Variants in TERF1 observed in about 807,000 individuals in gnomAD.
TERF1 encodes telomeric repeat binding factor 1.
Under a neutral mutation model 55.1 loss-of-function variants are expected in TERF1, and 20 were observed. The ratio of observed to expected loss-of-function variants is 0.36; its 90% CI spans 0.26 to 0.53. TERF1 has a LOEUF of 0.53. Among genes scored for constraint, TERF1 ranks in the 20% least tolerant of loss-of-function variants. TERF1 has a pLI of 0.91. For synonymous variants in TERF1, 168 were observed against 181.2 expected (o/e 0.93, Z 0.59); for missense variants, 439 against 535.7 (o/e 0.82, Z 1.78).
At chr8:73,028,487 C>A (rs999781675) in intron 6 of TERF1, among the ~76,000 whole-genome samples, 1 of 151,986 alleles carries the variant, frequency 6.6e-6, no homozygotes, top group African/African-American at 2.4e-5. Context: ...TAGATCACTC[C>A]CAGCTTAAAA....
In TERF1 at chr8:73,013,948, A is replaced by G. The variant is rs762001700; in HGVS notation, c.373A>G (p.Ile125Val). The G allele has an allele frequency of 1.2e-5, 19 of 1,611,398 alleles. No individual in the cohort carries two copies. The Admixed American group carries it at 2.5e-4, about 21-fold the overall frequency. ...LTACQLRTIYICQFLTRIAAG... is the reference protein window; with the variant it reads ...LTACQLRTIYVCQFLTRIAAG... ...AGCTTGCCAGTTGAGAACGATATAC[A>G]TATGTCAGTTTTTGACAAGAATTGC... The change falls in exon 2 of 10, where the codon ATA becomes GTA. Residue 125 changes from isoleucine (I) to valine (V), a missense_variant. Transcript: ENST00000276603.
chr8:73,039,445 G>C (rs937448773), intron 9 of TERF1, among the ~76,000 whole-genome samples: 8 of 152,124 alleles, frequency 5.3e-5, no homozygotes, highest in African/African-American at 1.9e-4. Flanking sequence ...ACTGACATCT[G>C]TTTGGAATTA....
chr8:73,038,660 TAAAC>T, intron 8 of TERF1: 2 of 552,530 alleles, frequency 3.6e-6, no homozygotes, highest in Non-Finnish European at 4.6e-6. Flanking sequence ...GTTTTCTGCC[TAAAC>T]AATTATCATT....
chr8:73,012,875 C>A, intron 1 of TERF1: 2 of 455,162 alleles, frequency 4.4e-6, no homozygotes, highest in South Asian at 3.1e-5. Flanking sequence ...TTCATGGGGG[C>A]AGAGACTGGC....
At chr8:73,011,796 T>G (rs1808290785) in intron 1 of TERF1, 1 of 142,312 alleles carries the variant, frequency 7.0e-6, no homozygotes, top group African/African-American at 2.6e-5. Flanking sequence ...AGGCTGTGGC[T>G]TAAAGGAATG....
chr8:73,023,579 C>G (rs544357359), intron 4 of TERF1, among the ~76,000 whole-genome samples: 1 of 152,250 alleles, frequency 6.6e-6, no homozygotes, highest in South Asian at 2.1e-4. Flanking sequence ...GTTTTCTACC[C>G]TTAATATTTT....
intron 5 of TERF1, among the ~76,000 whole-genome samples, 193 bp from the exon 6 acceptor site, chr8:73,026,747 C>T (rs553473167): frequency 6.6e-6 from 1 of 151,838 alleles, no homozygotes; most frequent in Non-Finnish European, 1.5e-5. Context: ...ATAAACCAAG[C>T]AGATAGCTAA....
At chr8:73,037,035 T>G (rs1439866911) in intron 8 of TERF1, among the ~76,000 whole-genome samples, 1 of 139,106 alleles carries the variant, frequency 7.2e-6, no homozygotes, top group Non-Finnish European at 1.5e-5. Flanking sequence ...ATATATAATA[T>G]ATAATGTACA....
At chr8:73,044,328 C>T (rs146299045) in intron 9 of TERF1, among the ~76,000 whole-genome samples, 5 of 152,256 alleles carry the variant, frequency 3.3e-5, no homozygotes, top group Non-Finnish European at 7.4e-5. Context: ...ATTTAAGTCA[C>T]AAAGCAGAGG....
chr8:73,012,824 A>G (rs1231152649), intron 1 of TERF1: 1 of 433,296 alleles, frequency 2.3e-6, no homozygotes, highest in East Asian at 7.1e-5. Context: ...TTAGTTACTT[A>G]CATAACTTTT....
rs567880616 is a variant in TERF1, at chr8:73,040,355, A to G, written c.1143+1136A>G. On this transcript the variant is annotated intron_variant, in intron 9 of 9. Coordinates refer to ENST00000276603, the MANE Select transcript of TERF1 (RefSeq NM_017489.3). ...TGTAGACAGAGTTGCTTTTTCATACACCTAAGTTGCACTGATTATTTATAC... is the reference window on the plus strand; with the variant it reads ...TGTAGACAGAGTTGCTTTTTCATACGCCTAAGTTGCACTGATTATTTATAC... Among the ~76,000 whole-genome samples, 5 of 152,152 alleles carry G rather than the reference A, an allele frequency of 3.3e-5. No individual in the cohort carries two copies. The South Asian group carries it at 1.0e-3, about 32-fold the overall frequency.
intron 1 of TERF1, chr8:73,010,229 AAAT>A: frequency 6.6e-6 from 1 of 152,324 alleles, no homozygotes; most frequent in South Asian, 2.1e-4. Flanking sequence ...TGAGTTAGGC[AAAT>A]AATCTTAGTT....
At position 73,016,675 on chromosome 8, in the gene TERF1, G is replaced by A. The variant is rs192254377; in HGVS notation, c.415+2685G>A. ...ACTCCTTGCCTTAAGTGATCCTCCC[G>A]CCTAGGCCTCCCAAAACTCTGGGAG... On this transcript the variant is annotated intron_variant, in intron 2 of 9. Transcript: ENST00000276603. Among the ~76,000 whole-genome samples, 5 of 152,026 alleles carry A rather than the reference G, an allele frequency of 3.3e-5. No homozygotes were observed. In the East Asian group the frequency reaches 5.8e-4, roughly 18 times the overall value.
chr8:73,034,719 G>C (rs1487490819), intron 8 of TERF1, among the ~76,000 whole-genome samples: 1 of 151,610 alleles, frequency 6.6e-6, no homozygotes, highest in Non-Finnish European at 1.5e-5. Flanking sequence ...ATTAATATTT[G>C]AGTTGAAAGC....
chr8:73,037,768 TAA>T (rs1491563643), intron 8 of TERF1, among the ~76,000 whole-genome samples: 2 of 53,558 alleles, frequency 3.7e-5, no homozygotes, highest in African/African-American at 6.3e-5. Context: ...TTATATAGTA[TAA>T]TATATATATT....
intron 4 of TERF1, among the ~76,000 whole-genome samples, chr8:73,023,896 A>G (rs1482953311): frequency 6.6e-6 from 1 of 152,206 alleles, no homozygotes; most frequent in Non-Finnish European, 1.5e-5. Context: ...TCATTTTAGC[A>G]AAATATTTTA....
At position 73,009,141 on chromosome 8, in the gene TERF1, T is replaced by C. The variant is rs1415322708; in HGVS notation, c.255T>C (p.Ser85=). ...GGATGCTCGATTTCCTCTGCCTCTCTCTTTGCCGAGCTTTCCGCGACGGCC... is the reference window on the plus strand; with the variant it reads ...GGATGCTCGATTTCCTCTGCCTCTCCCTTTGCCGAGCTTTCCGCGACGGCC... ...AGWMLDFLCL[S]LCRAFRDGRS... Residue 85 remains serine, a synonymous_variant, in exon 1 of 10, where the codon TCT becomes TCC. Coordinates refer to ENST00000276603, the MANE Select transcript of TERF1 (RefSeq NM_017489.3). 1 of 1,611,398 alleles carries C rather than the reference T, an allele frequency of 6.2e-7. No individual in the cohort carries two copies. The highest frequency in any genetic ancestry group is 8.5e-7 in the Non-Finnish European group (1 of 1,179,830).
chr8:73,019,083 C>T (rs1375816157), intron 2 of TERF1: 1 of 152,162 alleles, frequency 6.6e-6, no homozygotes, highest in Non-Finnish European at 1.5e-5. Flanking sequence ...ATTTCCTAGT[C>T]TCTTAGCTGC....
chr8:73,023,933 T>C (rs913613415), intron 4 of TERF1, among the ~76,000 whole-genome samples: 13 of 152,230 alleles, frequency 8.5e-5, no homozygotes, highest in African/African-American at 3.1e-4. Flanking sequence ...ATTCCACTTC[T>C]AGACAATACC....
Sources: allele counts gnomAD v4.1 joint callset (sites outside exome capture counted in the v4.1 genomes callset), GRCh38; gene constraint gnomAD v4.1.1; transcripts MANE v1.5; gene names NCBI Gene and HGNC (gene_info 2026-07-23, HGNC 2026-07-21).